The following PSD3 variants were observed in gnomAD, a reference collection of about 807,000 sequenced individuals.
The protein encoded by PSD3 is PH and SEC7 domain-containing protein 3.
Under a neutral mutation model 105.5 loss-of-function variants are expected in PSD3, and 49 were observed. The observed-to-expected ratio is 0.46, with a 90% CI of 0.37 to 0.59. The LOEUF (loss-of-function observed/expected upper bound fraction) is 0.59, where lower values mean the gene tolerates loss of function less well. Among genes scored for constraint, PSD3 ranks in the 20% least tolerant of loss-of-function variants. The pLI, the probability that PSD3 is intolerant of heterozygous loss-of-function variation, is 0.00. For synonymous variants in PSD3, 557 were observed against 457.8 expected (o/e 1.22, Z -2.77); for missense variants, 1,561 against 1,263.8 (o/e 1.24, Z -3.57).
At position 18,804,737 on chromosome 8, in the gene PSD3, T is replaced by C. The variant is rs893576511; in HGVS notation, c.1796A>G (p.Lys599Arg). ...AKRLYQLDRF[K>R]RSDVAKHLGK... ...AAGGTGTTTTGCAACATCTGATCTT[T>C]TGAATCTGTCCAGCTGATAAAGGCG... is the stretch of plus-strand genomic sequence containing the variant. Residue 599 changes from lysine to arginine, a missense_variant, in exon 5 of 16, where the codon AAA (lysine) becomes AGA (arginine). Coordinates refer to ENST00000327040, the MANE Select transcript of PSD3 (RefSeq NM_015310.4). 11 of 1,613,996 alleles carry C rather than the reference T, an allele frequency of 6.8e-6. No individual in the cohort carries two copies. The highest frequency in any genetic ancestry group is 1.3e-5 in the African/African-American group (1 of 74,932).
At chr8:18,892,455 C>T (rs10088687) in intron 2 of PSD3, among the ~76,000 whole-genome samples, 1 of 151,826 alleles carries the variant, frequency 6.6e-6, no homozygotes, top group African/African-American at 2.4e-5. Flanking sequence ...GATCTCCTGA[C>T]CTCATGATCT....
chr8:18,580,892 C>T (rs1040373309), intron 12 of PSD3, among the ~76,000 whole-genome samples: 1 of 152,146 alleles, frequency 6.6e-6, no homozygotes, highest in Non-Finnish European at 1.5e-5. Context: ...TAACGAGCCA[C>T]CTACACCCGT....
intron 4 of PSD3, among the ~76,000 whole-genome samples, chr8:18,846,067 T>C (rs1224776764): frequency 6.6e-6 from 1 of 152,158 alleles, no homozygotes; most frequent in Non-Finnish European, 1.5e-5. Context: ...TGCTTATCAA[T>C]TTGACTATAA....
At position 18,746,281 on chromosome 8, in the gene PSD3, T is replaced by C. The variant is rs1011841513; in HGVS notation, c.2172+19168A>G. On this transcript the variant is annotated intron_variant, in intron 9 of 15. Transcript: ENST00000327040. ...GCATGCACTCCCCATTCTGAGTCCATAAAGGGCCCCAGACCCAGCCACACA... is the reference window on the plus strand; with the variant it reads ...GCATGCACTCCCCATTCTGAGTCCACAAAGGGCCCCAGACCCAGCCACACA... 2.6e-5 allele frequency among the ~76,000 whole-genome samples: 4 copies of C among 152,152 alleles called. No individual in the cohort carries two copies. The East Asian group carries it at 5.8e-4, about 22-fold the overall frequency.
chr8:18,679,946 A>C (rs568799247), intron 9 of PSD3, among the ~76,000 whole-genome samples: 4 of 152,212 alleles, frequency 2.6e-5, no homozygotes, highest in South Asian at 2.1e-4. Flanking sequence ...AAAAGGCCTC[A>C]AGGATTCAGC....
At chr8:18,801,649 G>A (rs2129447396) in intron 6 of PSD3, among the ~76,000 whole-genome samples, 1 of 152,196 alleles carries the variant, frequency 6.6e-6, no homozygotes, top group East Asian at 1.9e-4. Flanking sequence ...GGCCAACATG[G>A]CGAAACCCCA....
At chr8:18,835,939 G>T (rs941613170) in intron 4 of PSD3, among the ~76,000 whole-genome samples, 1 of 152,112 alleles carries the variant, frequency 6.6e-6, no homozygotes, top group Non-Finnish European at 1.5e-5. Flanking sequence ...CTTTGACTCT[G>T]AGATAAGTCA....
At chr8:19,053,360 GA>G (rs967058103) in intron 1 of PSD3, among the ~76,000 whole-genome samples, 60 of 152,246 alleles carry the variant, frequency 3.9e-4, no homozygotes, top group African/African-American at 1.4e-3. Context: ...TCTTGAAAGA[GA>G]AAAAGAATAA....
intron 4 of PSD3, among the ~76,000 whole-genome samples, chr8:18,805,938 T>A (rs1811156152): frequency 6.6e-6 from 1 of 152,230 alleles, no homozygotes. Flanking sequence ...AGTTTGTCAG[T>A]CATTCTCTCA....
At chr8:18,978,254 T>C (rs1825056440) in intron 1 of PSD3, among the ~76,000 whole-genome samples, 1 of 152,222 alleles carries the variant, frequency 6.6e-6, no homozygotes, top group Non-Finnish European at 1.5e-5. Context: ...TTCAACACTT[T>C]TTTCACAGCA....
intron 9 of PSD3, among the ~76,000 whole-genome samples, chr8:18,675,820 G>A (rs984897769): frequency 6.6e-6 from 1 of 152,146 alleles, no homozygotes; most frequent in African/African-American, 2.4e-5. Flanking sequence ...TTAACAAGCA[G>A]GAAGCCATCT....
rs971804963 is a variant in PSD3, at chr8:18,971,160, T to C, written c.22-35018A>G. Among the ~76,000 whole-genome samples, 4 of 152,066 alleles carry C rather than the reference T, an allele frequency of 2.6e-5. No individual in the cohort carries two copies. The East Asian group carries it at 7.7e-4, about 29-fold the overall frequency. On this transcript the variant is annotated intron_variant, in intron 1 of 15. Coordinates refer to ENST00000327040, the MANE Select transcript of PSD3 (RefSeq NM_015310.4). The stretch of plus-strand genomic sequence containing the variant: ...TCAAATAAGGACCTTCCTATGTAGA[T>C]TACAAATTAAAAACAAAATGGACTC...
rs188644630 is a variant in PSD3, at chr8:18,817,552, T to C, written c.1635-12654A>G. 2.0e-3 allele frequency among the ~76,000 whole-genome samples: 304 copies of C among 152,308 alleles called. No homozygotes were observed. The Middle Eastern group carries it at 0.024, about 12-fold the overall frequency. On this transcript the variant is annotated intron_variant, in intron 4 of 15. Coordinates refer to ENST00000327040, the MANE Select transcript of PSD3 (RefSeq NM_015310.4). ...CTCAGTACAACTGTCCTAAATCAAATTGCAAGAAGCTTAAAGGAAAAGTCA... is the reference window on the plus strand; with the variant it reads ...CTCAGTACAACTGTCCTAAATCAAACTGCAAGAAGCTTAAAGGAAAAGTCA...
At chr8:18,798,010 G>C (rs776300231) in intron 8 of PSD3, among the ~76,000 whole-genome samples, 1 of 152,120 alleles carries the variant, frequency 6.6e-6, no homozygotes, top group Admixed American at 6.6e-5. Context: ...CAAACAGCCA[G>C]ACAAAGCAGT....
chr8:18,959,378 A>G (rs1396571575), intron 1 of PSD3, among the ~76,000 whole-genome samples: 5 of 152,154 alleles, frequency 3.3e-5, no homozygotes, highest in Admixed American at 6.5e-5. Flanking sequence ...ATTCTCCAGC[A>G]CTACTGGATT....
intron 9 of PSD3, among the ~76,000 whole-genome samples, chr8:18,687,482 G>A (rs1426958861): frequency 7.1e-6 from 1 of 141,272 alleles, no homozygotes; most frequent in Non-Finnish European, 1.5e-5. Context: ...AGAAAATTTA[G>A]CAGTTTTTTT....
At chr8:18,968,879 CAAAAAA>C (rs10597134) in intron 1 of PSD3, among the ~76,000 whole-genome samples, 3 of 71,722 alleles carry the variant, frequency 4.2e-5, no homozygotes, top group African/African-American at 1.1e-4. Context: ...AAAATGTCTC[CAAAAAA>C]AAAAAAAAAA....
intron 4 of PSD3, among the ~76,000 whole-genome samples, chr8:18,834,331 A>G (rs1813917941): frequency 6.6e-6 from 1 of 152,232 alleles, no homozygotes; most frequent in Non-Finnish European, 1.5e-5. Context: ...CCATTATACA[A>G]AAGGCAATAC....
At chr8:18,605,983 T>A (rs907570278) in intron 11 of PSD3, among the ~76,000 whole-genome samples, 3 of 152,296 alleles carry the variant, frequency 2.0e-5, no homozygotes, top group Non-Finnish European at 4.4e-5. Context: ...ATTAAACTAC[T>A]TTATAAATTA....
Sources: gnomAD v4.1 joint callset for allele counts (sites outside exome capture counted in the v4.1 genomes callset) on GRCh38, gnomAD v4.1.1 for gene constraint, MANE v1.5 for transcripts, NCBI Gene and HGNC (gene_info 2026-07-23, HGNC 2026-07-21) for gene names.